The following BAIAP2L2 variants were observed in gnomAD, a reference collection of about 807,000 sequenced individuals.
BAIAP2L2 encodes BAR/IMD domain-containing adapter protein 2-like 2.
BAIAP2L2 carries 65 observed loss-of-function variants against 60.4 expected under a neutral mutation model. The ratio of observed to expected loss-of-function variants is 1.08; its 90% CI spans 0.88 to 1.32. The LOEUF (loss-of-function observed/expected upper bound fraction) is 1.32, where lower values mean the gene tolerates loss of function less well. Ranked by LOEUF, BAIAP2L2 falls within the 40% of genes most tolerant of loss-of-function variation. The pLI is 0.00. For missense variants in BAIAP2L2, 836 were observed against 741.2 expected, an observed-to-expected ratio of 1.13 and a Z score of -1.48; for synonymous variants, 344 against 301.7, an observed-to-expected ratio of 1.14 and a Z score of -1.45.
At chr22:38,098,610 G>A (rs1288846579) in intron 4 of BAIAP2L2, 128 bp from the exon 5 acceptor site, 18 of 645,324 alleles carry the variant, frequency 2.8e-5, no homozygotes, top group Admixed American at 5.8e-5. Flanking sequence ...CTGCCCACCT[G>A]TCAGAGAAAC....
chr22:38,089,985 A>C, intron 7 of BAIAP2L2: 1 of 237,202 alleles, frequency 4.2e-6, no homozygotes, highest in Non-Finnish European at 8.1e-6. Flanking sequence ...TGGCCACTCA[A>C]TCACCCCATC....
At chr22:38,094,034 G>A (rs994958441) in intron 7 of BAIAP2L2, 6 of 455,440 alleles carry the variant, frequency 1.3e-5, no homozygotes, top group Non-Finnish European at 2.7e-5. Context: ...ATCCAGCAGT[G>A]AAAAGGAAGC....
chr22:38,101,882 C>CA (rs202184681), intron 4 of BAIAP2L2, among the ~76,000 whole-genome samples: 3,786 of 152,020 alleles, frequency 0.025, 163 homozygotes, highest in African/African-American at 0.084. Context: ...CAAAACAAAA[C>CA]AAACAAAACC....
At chr22:38,108,642 A>T (rs1325878046) in intron 2 of BAIAP2L2, among the ~76,000 whole-genome samples, 2 of 152,124 alleles carry the variant, frequency 1.3e-5, no homozygotes, top group African/African-American at 4.8e-5. Context: ...GAGCGGCCAC[A>T]GCGGACGGGT....
intron 6 of BAIAP2L2, 40 bp downstream of exon 6, chr22:38,098,023 C>CCCTCCAGGG: frequency 1.2e-6 from 1 of 860,286 alleles, no homozygotes; most frequent in East Asian, 2.6e-5. Flanking sequence ...GTCTGCCCAC[C>CCCTCCAGGG]CGCCCTTCCT....
chr22:38,099,861 C>T (rs765044484), intron 4 of BAIAP2L2, among the ~76,000 whole-genome samples: 6 of 152,214 alleles, frequency 3.9e-5, no homozygotes, highest in Admixed American at 6.5e-5. Flanking sequence ...CATCATCCCA[C>T]GGGGCTAGGG....
intron 11 of BAIAP2L2, among the ~76,000 whole-genome samples, chr22:38,086,706 A>C (rs906377930): frequency 1.3e-5 from 2 of 152,090 alleles, no homozygotes; most frequent in African/African-American, 4.8e-5. Flanking sequence ...TCAAGACTGC[A>C]CCTTGCCACC....
chr22:38,088,642 C>G (rs2086172733), intron 10 of BAIAP2L2, 106 bp downstream of exon 10: 3 of 1,165,462 alleles, frequency 2.6e-6, no homozygotes, highest in South Asian at 1.6e-5. Flanking sequence ...TTGTCCGAGG[C>G]CCCCGGGGGA....
intron 6 of BAIAP2L2, among the ~76,000 whole-genome samples, chr22:38,097,525 TGGG>T (rs1310917723): frequency 6.6e-6 from 1 of 151,938 alleles, no homozygotes; most frequent in South Asian, 2.1e-4. Context: ...AGCCCCTACT[TGGG>T]GGGAAGATTC....
At chr22:38,094,178 A>T (rs1257156374) in intron 7 of BAIAP2L2, among the ~76,000 whole-genome samples, 2 of 151,796 alleles carry the variant, frequency 1.3e-5, no homozygotes, top group Non-Finnish European at 2.9e-5. Flanking sequence ...AATGACAGCT[A>T]AGGGGTACCG....
At chr22:38,107,975 C>A in intron 3 of BAIAP2L2, 62 bp from the exon 4 acceptor site, 8 of 1,547,684 alleles carry the variant, frequency 5.2e-6, no homozygotes, top group Non-Finnish European at 7.1e-6. Flanking sequence ...CACCCACCAC[C>A]CTCTTCCGCT....
At chr22:38,104,300 C>T (rs2086620506) in intron 4 of BAIAP2L2, among the ~76,000 whole-genome samples, 1 of 152,056 alleles carries the variant, frequency 6.6e-6, no homozygotes, top group Admixed American at 6.5e-5. Context: ...ACTCAGTAGC[C>T]CCTCTGGTCT....
At chr22:38,085,508 C>A in intron 13 of BAIAP2L2, 133 bp from the exon 14 acceptor site, 3 of 1,290,636 alleles carry the variant, frequency 2.3e-6, no homozygotes, top group Non-Finnish European at 3.3e-6. Context: ...CTCCTTGCCC[C>A]GCTTCATCTT....
intron 2 of BAIAP2L2, 104 bp from the exon 3 acceptor site, chr22:38,108,445 GGGCATCTGTGT>G (rs1303591663): frequency 2.3e-6 from 2 of 886,018 alleles, no homozygotes; most frequent in Non-Finnish European, 3.5e-6. Flanking sequence ...GGTGGGGTGT[GGGCATCTGTGT>G]GTGCCCCTGA....
At chr22:38,085,805 T>C in intron 12 of BAIAP2L2, 73 bp from the exon 13 acceptor site, 1 of 1,388,222 alleles carries the variant, frequency 7.2e-7, no homozygotes, top group Non-Finnish European at 9.9e-7. Flanking sequence ...CCCCTCCCTC[T>C]CCCCATGCCC....
chr22:38,085,424 C>T, intron 13 of BAIAP2L2, 49 bp from the exon 14 acceptor site: 1 of 1,574,500 alleles, frequency 6.4e-7, no homozygotes, highest in Non-Finnish European at 8.7e-7. Context: ...TGATCCCCAC[C>T]TGGCCATGGC....
At position 38,088,900 on chromosome 22, in the gene BAIAP2L2, G is replaced by A. The variant is rs1345278436; in HGVS notation, c.966C>T (p.Gly322=). The A allele has an allele frequency of 3.2e-6, 5 of 1,566,214 alleles. No individual in the cohort carries two copies. In the Admixed American group the frequency reaches 5.5e-5, roughly 17 times the overall value. Residue 322 remains glycine, a synonymous_variant, in exon 10 of 14, where the codon GGC becomes GGT. Transcript: ENST00000381669. ...CGCGGACTCTCCTGGCGCCCCCGCC[G>A]CCGCCCGGGCGCTCGCCAAAGGAGT... is the stretch of plus-strand genomic sequence containing the variant. The part of the protein sequence containing the change: ...RSNSFGERPG[G]GGGARRVRAL...
Position 38,110,343 on chromosome 22 carries a change from C to A in BAIAP2L2, c.51+132G>T, listed in dbSNP as rs945818807. On this transcript the variant is annotated intron_variant, in intron 1 of 13. Transcript: ENST00000381669. ...TCCTTACCCCCGTACCCACCCCTGGCCCAGCCTGGCTCCAGGCTTCCCTTT... is the reference window on the plus strand; with the variant it reads ...TCCTTACCCCCGTACCCACCCCTGGACCAGCCTGGCTCCAGGCTTCCCTTT... The A allele has an allele frequency of 8.6e-5, 81 of 938,096 alleles. No individual in the cohort carries two copies. In the South Asian group the frequency reaches 1.2e-3, roughly 13 times the overall value. 58.1% of individuals were successfully genotyped at this position (938,096 alleles called of 1,614,324 possible). A position where few individuals can be genotyped will look rare whatever the true frequency, so the allele number is the denominator to read the frequency against.
At chr22:38,095,138 A>G (rs2086399924) in intron 7 of BAIAP2L2, among the ~76,000 whole-genome samples, 1 of 152,102 alleles carries the variant, frequency 6.6e-6, no homozygotes, top group Non-Finnish European at 1.5e-5. Context: ...GCAACAGAGC[A>G]AGACTCCGTC....
Sources: allele counts gnomAD v4.1 joint callset (sites outside exome capture counted in the v4.1 genomes callset), GRCh38; gene constraint gnomAD v4.1.1; transcripts MANE v1.5; gene names NCBI Gene and HGNC (gene_info 2026-07-23, HGNC 2026-07-21).